Variants in CAPRIN1 observed in about 807,000 individuals in gnomAD.
The protein encoded by CAPRIN1 is cell cycle associated protein 1, also known as caprin-1.
CAPRIN1 carries 29 observed loss-of-function variants against 100.9 expected under a neutral mutation model. The ratio of observed to expected loss-of-function variants is 0.29; its 90% CI spans 0.21 to 0.39. The LOEUF is 0.39. CAPRIN1 is among the 10% of genes least tolerant of loss of function. CAPRIN1 has a pLI of 1.00. For missense variants in CAPRIN1, 795 were observed against 876.7 expected, an observed-to-expected ratio of 0.91 and a Z score of 1.18; for synonymous variants, 338 against 307.5, an observed-to-expected ratio of 1.10 and a Z score of -1.04.
At chr11:34,098,854 TAAG>T (rs1851410569) in intron 18 of CAPRIN1, 2 of 987,516 alleles carry the variant, frequency 2.0e-6, no homozygotes, top group South Asian at 4.6e-5. Context: ...GTTTAGGTAA[TAAG>T]GTCTGTTTTC....
intron 2 of CAPRIN1, among the ~76,000 whole-genome samples, chr11:34,062,676 G>C (rs1260426542): frequency 6.6e-6 from 1 of 151,496 alleles, no homozygotes; most frequent in Non-Finnish European, 1.5e-5. Flanking sequence ...AAGTTGAGAG[G>C]AAAAGAAATA....
chr11:34,052,839 T>G, intron 2 of CAPRIN1: 1 of 1,440,022 alleles, frequency 6.9e-7, no homozygotes, highest in Non-Finnish European at 9.1e-7. Flanking sequence ...GAGGCACTTG[T>G]CACCTGACTC....
intron 2 of CAPRIN1, among the ~76,000 whole-genome samples, chr11:34,066,650 T>A (rs1217955528): frequency 6.7e-6 from 1 of 148,604 alleles, no homozygotes; most frequent in African/African-American, 2.5e-5. Flanking sequence ...TATTTATTTA[T>A]TTTTTTGAGA....
At chr11:34,056,941 C>G (rs1361859880) in intron 2 of CAPRIN1, among the ~76,000 whole-genome samples, 1 of 152,202 alleles carries the variant, frequency 6.6e-6, no homozygotes, top group African/African-American at 2.4e-5. Context: ...TGAAGGCTTT[C>G]TGCACTTCAT....
intron 2 of CAPRIN1, chr11:34,052,993 C>CAA: frequency 9.5e-7 from 1 of 1,056,594 alleles, no homozygotes; most frequent in Non-Finnish European, 1.1e-6. Flanking sequence ...CTCTGAGGCC[C>CAA]GATTTCTCTG....
chr11:34,074,037 C>A (rs1850856525), intron 4 of CAPRIN1, among the ~76,000 whole-genome samples: 1 of 152,082 alleles, frequency 6.6e-6, no homozygotes, highest in African/African-American at 2.4e-5. Flanking sequence ...AGTATTAATT[C>A]ATTCTAAATA....
chr11:34,065,857 A>G (rs1474817983), intron 2 of CAPRIN1, among the ~76,000 whole-genome samples: 1 of 152,222 alleles, frequency 6.6e-6, no homozygotes, highest in Non-Finnish European at 1.5e-5. Context: ...CCTGAAGCTT[A>G]GGCAAGGACA....
At chr11:34,072,020 T>G in intron 4 of CAPRIN1, 33 bp downstream of exon 4, 11 of 1,402,942 alleles carry the variant, frequency 7.8e-6, no homozygotes, top group African/African-American at 1.4e-5. Context: ...ATTTATGAAA[T>G]ACTTTTGTTG....
chr11:34,097,355 AGT>A, intron 17 of CAPRIN1, 59 bp downstream of exon 17: 1 of 1,326,802 alleles, frequency 7.5e-7, no homozygotes, highest in Non-Finnish European at 1.1e-6. Flanking sequence ...AAAGTGACTT[AGT>A]GTTGTTGCTT....
At position 34,099,394 on chromosome 11, in the gene CAPRIN1, G is replaced by A. The variant is rs1190518310; in HGVS notation, c.*27G>A. 1.5e-5 allele frequency: 24 copies of A among 1,561,794 alleles called. 1 individual carries two copies. In the East Asian group the frequency reaches 3.1e-4, roughly 20 times the overall value. ...CTGATTCACAGGATTATGTTTAATC[G>A]CCAAAAACACACTGGCCAGTGTACC... On this transcript the variant is annotated 3_prime_UTR_variant, in exon 19 of 19. Coordinates refer to ENST00000341394, the MANE Select transcript of CAPRIN1 (RefSeq NM_005898.5).
At chr11:34,061,569 A>C (rs755203779) in intron 2 of CAPRIN1, among the ~76,000 whole-genome samples, 18 of 151,942 alleles carry the variant, frequency 1.2e-4, no homozygotes, top group Non-Finnish European at 1.6e-4. Flanking sequence ...ACAGGTGTTC[A>C]TTCAGCCTCT....
At chr11:34,097,954 C>T (rs539115957) in intron 18 of CAPRIN1, 193 bp downstream of exon 18, 256 of 1,351,962 alleles carry the variant, frequency 1.9e-4, no homozygotes, top group South Asian at 2.9e-4. Flanking sequence ...TTAATTTTCC[C>T]TGTTACTATA....
intron 9 of CAPRIN1, among the ~76,000 whole-genome samples, chr11:34,085,544 C>T (rs1465305265): frequency 6.6e-6 from 1 of 152,274 alleles, no homozygotes; most frequent in East Asian, 1.9e-4. Flanking sequence ...GTGGCTCATG[C>T]CTGTATTCCC....
At chr11:34,055,220 G>A (rs1453442522) in intron 2 of CAPRIN1, among the ~76,000 whole-genome samples, 12 of 151,918 alleles carry the variant, frequency 7.9e-5, no homozygotes, top group African/African-American at 2.9e-4. Flanking sequence ...CTGGAGTGCG[G>A]TAGGATGATC....
intron 2 of CAPRIN1, among the ~76,000 whole-genome samples, chr11:34,054,175 C>T (rs1850397665): frequency 6.6e-6 from 1 of 152,054 alleles, no homozygotes; most frequent in South Asian, 2.1e-4. Context: ...GTTTCATCTT[C>T]GGTATTGAAG....
intron 2 of CAPRIN1, among the ~76,000 whole-genome samples, chr11:34,065,051 C>T (rs182520927): frequency 5.6e-4 from 84 of 151,346 alleles, no homozygotes; most frequent in Admixed American, 4.9e-3. Flanking sequence ...GCTCCACCTC[C>T]CGGGTTCTCA....
At chr11:34,086,284 C>A in intron 10 of CAPRIN1, 21 bp from the exon 11 acceptor site, 2 of 1,607,194 alleles carry the variant, frequency 1.2e-6, no homozygotes, top group Non-Finnish European at 1.7e-6. Context: ...TGACTTTATT[C>A]TATCCTAACT....
chr11:34,098,125 A>C, intron 18 of CAPRIN1: 1 of 1,001,818 alleles, frequency 1.0e-6, no homozygotes, highest in South Asian at 4.3e-5. Context: ...CATTTATATA[A>C]ATTTATTATT....
chr11:34,086,235 T>G lies in CAPRIN1; in HGVS notation c.1122+16T>G. 6.2e-7 allele frequency: 1 copy of G among 1,612,476 alleles called. No homozygotes were observed. The highest frequency in any genetic ancestry group is 8.5e-7 in the Non-Finnish European group (1 of 1,178,678). The stretch of plus-strand genomic sequence containing the variant: ...TTTCATACAGGTATGTTCATTTTAG[T>G]CAGACTCTGTAACAGAAAGTTTAAG... On this transcript the variant is annotated intron_variant, in intron 10 of 18. Transcript: ENST00000341394.
Sources: allele counts gnomAD v4.1 joint callset (sites outside exome capture counted in the v4.1 genomes callset), GRCh38; gene constraint gnomAD v4.1.1; transcripts MANE v1.5; gene names NCBI Gene and HGNC (gene_info 2026-07-23, HGNC 2026-07-21).